The following SLC44A1 variants were observed in gnomAD, a reference collection of about 807,000 sequenced individuals.
SLC44A1 encodes the protein choline transporter-like protein 1.
SLC44A1 carries 26 observed loss-of-function variants against 79.3 expected under a neutral mutation model. The observed-to-expected ratio is 0.33, with a 90% CI of 0.24 to 0.46. SLC44A1 has a LOEUF of 0.46. Ranked by LOEUF, SLC44A1 falls within the 20% of genes least tolerant of loss-of-function variation. The pLI, the probability that SLC44A1 is intolerant of heterozygous loss-of-function variation, is 1.00. For missense variants in SLC44A1, 688 were observed against 798.1 expected (o/e 0.86, Z 1.66); for synonymous variants, 263 against 286.2 (o/e 0.92, Z 0.82).
chr9:105,428,051 G>A (rs1473123214), intron 15 of SLC44A1, among the ~76,000 whole-genome samples: 2 of 151,812 alleles, frequency 1.3e-5, no homozygotes, highest in Non-Finnish European at 2.9e-5. Flanking sequence ...TACTTTTTCG[G>A]TCATATTAGT....
chr9:105,273,272 A>G (rs1830119408), intron 1 of SLC44A1, among the ~76,000 whole-genome samples: 1 of 152,156 alleles, frequency 6.6e-6, no homozygotes, highest in Non-Finnish European at 1.5e-5. Flanking sequence ...GATTACAGGC[A>G]TGGGCCACTG....
Position 105,254,476 on chromosome 9 carries a change from A to C in SLC44A1, c.36+9572A>C, listed in dbSNP as rs904911610. On this transcript the variant is annotated intron_variant, in intron 1 of 15. Transcript: ENST00000374720. ...GAACAAAAGGAGGACTTTGCCAGCA[A>C]GGTGGCGGCAGGGATGCAGGATTGG... Among the ~76,000 whole-genome samples the C allele has an allele frequency of 2.0e-5, 3 of 152,230 alleles. No individual in the cohort carries two copies. The East Asian group carries it at 5.8e-4, about 29-fold the overall frequency.
chr9:105,329,208 A>G (rs758970874), intron 3 of SLC44A1, among the ~76,000 whole-genome samples: 41 of 152,152 alleles, frequency 2.7e-4, no homozygotes, highest in Non-Finnish European at 5.3e-4. Flanking sequence ...ATAAATTGTA[A>G]ATTGATATGA....
intron 9 of SLC44A1, 62 bp downstream of exon 9, chr9:105,363,069 C>T (rs1588833883): frequency 7.9e-7 from 1 of 1,260,342 alleles, no homozygotes; most frequent in South Asian, 1.4e-5. Context: ...TATTTTAGAA[C>T]ATCAGAGAGA....
intron 3 of SLC44A1, among the ~76,000 whole-genome samples, chr9:105,326,619 A>G (rs951124528): frequency 1.3e-5 from 2 of 152,138 alleles, no homozygotes; most frequent in African/African-American, 4.8e-5. Flanking sequence ...GAGGCCTTTG[A>G]CAATCTATTC....
chr9:105,251,146 A>G (rs1829576190), intron 1 of SLC44A1, among the ~76,000 whole-genome samples: 1 of 152,190 alleles, frequency 6.6e-6, no homozygotes, highest in Admixed American at 6.5e-5. Flanking sequence ...ACACTAGAAT[A>G]TTGTACAGGC....
At position 105,362,898 on chromosome 9, in the gene SLC44A1, G is replaced by A. The variant is rs1318606253; in HGVS notation, c.978G>A (p.Lys326=). ...LTIALFHVAG[K]VFIHLPLLVF... is the part of the protein sequence containing the mutation. The stretch of plus-strand genomic sequence containing the variant: ...TCGCCTTGTTCCACGTAGCTGGCAA[G>A]GTCTTCATTCACTTGCCACTGCTAG... Residue 326 remains lysine (K), a synonymous_variant, in exon 9 of 16, where the codon AAG becomes AAA. Coordinates refer to ENST00000374720, the MANE Select transcript of SLC44A1 (RefSeq NM_080546.5). The A allele has an allele frequency of 3.1e-6, 5 of 1,613,874 alleles. No individual in the cohort carries two copies. Among genetic ancestry groups the A allele is most frequent in the Non-Finnish European group, 4.2e-6 (5 of 1,179,938 alleles).
intron 1 of SLC44A1, among the ~76,000 whole-genome samples, chr9:105,256,638 C>T (rs1829713096): frequency 6.6e-6 from 1 of 151,286 alleles, no homozygotes; most frequent in Admixed American, 6.6e-5. Flanking sequence ...TCTCAGCTCA[C>T]TGCAGCATCA....
intron 3 of SLC44A1, among the ~76,000 whole-genome samples, chr9:105,311,697 T>A (rs1793165193): frequency 6.6e-6 from 1 of 152,228 alleles, no homozygotes; most frequent in Non-Finnish European, 1.5e-5. Context: ...CCTTAATTCA[T>A]GTACGCATGT....
intron 3 of SLC44A1, among the ~76,000 whole-genome samples, chr9:105,332,503 G>T (rs1289873699): frequency 6.6e-6 from 1 of 152,208 alleles, no homozygotes; most frequent in Non-Finnish European, 1.5e-5. Flanking sequence ...ATTTCTTGAA[G>T]ATGTGTATTT....
At position 105,414,576 on chromosome 9, in the gene SLC44A1, G is replaced by A. The variant is rs574907348; in HGVS notation, c.1951-23705G>A. 7.2e-5 allele frequency among the ~76,000 whole-genome samples: 11 copies of A among 152,118 alleles called. No homozygotes were observed. In the East Asian group the frequency reaches 7.7e-4, roughly 11 times the overall value. On this transcript the variant is annotated intron_variant, in intron 15 of 15. Transcript: ENST00000374724. ...TTGGATTTACAAAGTTAATATTGCC[G>A]TAAAACATAGCAGCATTTTAATTTT...
intron 1 of SLC44A1, among the ~76,000 whole-genome samples, chr9:105,269,648 A>G (rs1347765264): frequency 2.0e-5 from 3 of 152,186 alleles, no homozygotes; most frequent in African/African-American, 4.8e-5. Context: ...ATTATGCTCA[A>G]TTGCTAAGTG....
At chr9:105,261,475 A>G (rs1259845118) in intron 1 of SLC44A1, among the ~76,000 whole-genome samples, 1 of 152,198 alleles carries the variant, frequency 6.6e-6, no homozygotes, top group African/African-American at 2.4e-5. Context: ...GGAAGATGAC[A>G]AGCAGCACTG....
At chr9:105,409,498 A>G (rs1208499819) in intron 15 of SLC44A1, among the ~76,000 whole-genome samples, 1 of 152,208 alleles carries the variant, frequency 6.6e-6, no homozygotes, top group Non-Finnish European at 1.5e-5. Flanking sequence ...CAGCCTCAGC[A>G]ACAAAACAAG....
chr9:105,412,832 GC>G, intron 15 of SLC44A1, among the ~76,000 whole-genome samples: 1 of 152,106 alleles, frequency 6.6e-6, no homozygotes, highest in East Asian at 1.9e-4. Flanking sequence ...TCGAACTCCT[GC>G]CTCAGATGAT....
In SLC44A1 at chr9:105,374,617, C is replaced by T; in HGVS notation, c.1514C>T (p.Ala505Val). The change falls in exon 13 of 16, where the codon GCT (alanine) becomes GTT (valine). Residue 505 changes from alanine to valine, a missense_variant. By Grantham distance (64) the Ala-to-Val change is moderately conservative. Coordinates refer to ENST00000374720, the MANE Select transcript of SLC44A1 (RefSeq NM_080546.5). ...YLNQNAYTAT[A>V]INSTNFCTSA... ...GTCCAGAATGCATACACAGCCACAG[C>T]TATCAACAGCACCAACTTCTGCACC... 6.2e-7 allele frequency: 1 copy of T among 1,613,570 alleles called. No individual in the cohort carries two copies. The highest frequency in any genetic ancestry group is 1.1e-5 in the South Asian group (1 of 90,822).
chr9:105,261,829 G>A (rs1413530874), intron 1 of SLC44A1, among the ~76,000 whole-genome samples: 1 of 148,880 alleles, frequency 6.7e-6, no homozygotes, highest in Non-Finnish European at 1.5e-5. Context: ...GCTCAGGCTG[G>A]AGTGCAATGG....
Position 105,309,732 on chromosome 9 carries a change from T to C in SLC44A1, c.135T>C (p.Ile45=), listed in dbSNP as rs765685236. The C allele has an allele frequency of 2.5e-6, 4 of 1,613,822 alleles. No homozygotes were observed. The East Asian group carries it at 8.9e-5, about 36-fold the overall frequency. ...FILFCIGMGF[I]CGFSIATGAA... is the part of the protein sequence containing the mutation. The stretch of plus-strand genomic sequence containing the variant: ...TTCTGTTTCTTTCCTAGGGATTTAT[T>C]TGTGGCTTTTCAATAGCAACAGGTG... The change falls in exon 3 of 16, where the codon ATT becomes ATC. Residue 45 remains isoleucine, a synonymous_variant. Coordinates refer to ENST00000374720, the MANE Select transcript of SLC44A1 (RefSeq NM_080546.5).
intron 15 of SLC44A1, among the ~76,000 whole-genome samples, chr9:105,404,430 A>G (rs1053663750): frequency 6.6e-6 from 1 of 152,204 alleles, no homozygotes; most frequent in Non-Finnish European, 1.5e-5. Flanking sequence ...TCACCTGGAA[A>G]GAACCACTTT....
Sources: gnomAD v4.1 joint callset for allele counts (sites outside exome capture counted in the v4.1 genomes callset) on GRCh38, gnomAD v4.1.1 for gene constraint, MANE v1.5 for transcripts, NCBI Gene and HGNC (gene_info 2026-07-23, HGNC 2026-07-21) for gene names.